Variants in PRKCE observed in about 807,000 individuals in gnomAD.
PRKCE encodes the protein protein kinase C epsilon, also known as protein kinase C epsilon type.
A neutral mutation model predicts 85.4 loss-of-function variants in PRKCE; 16 were observed. That is an observed-to-expected ratio of 0.19 (90% CI 0.13 to 0.28). PRKCE has a LOEUF of 0.28. Ranked by LOEUF, PRKCE falls within the 10% of genes least tolerant of loss-of-function variation. The pLI, the probability that PRKCE is intolerant of heterozygous loss-of-function variation, is 1.00. For missense variants in PRKCE, 573 were observed against 975.2 expected, an observed-to-expected ratio of 0.59 and a Z score of 5.49; for synonymous variants, 388 against 371.5, an observed-to-expected ratio of 1.04 and a Z score of -0.51.
At chr2:45,978,941 C>T (rs531491622) in intron 3 of PRKCE, 35 bp from the exon 4 acceptor site, 3 of 1,593,824 alleles carry the variant, frequency 1.9e-6, no homozygotes, top group South Asian at 1.1e-5. Flanking sequence ...GGTAAGATTT[C>T]ACTTTTTTTA....
intron 2 of PRKCE, among the ~76,000 whole-genome samples, chr2:45,865,816 T>TTC (rs3069020): frequency 4.3e-5 from 5 of 116,092 alleles, no homozygotes; most frequent in African/African-American, 1.7e-4. Context: ...CTTCTTCTTC[T>TTC]TTTTTTTTTT....
At position 45,651,798 on chromosome 2, in the gene PRKCE, C is replaced by A. The variant is rs991213882; in HGVS notation, c.-303C>A. 4.0e-6 allele frequency: 1 copy of A among 252,240 alleles called. No homozygotes were observed. The highest frequency in any genetic ancestry group is 7.6e-6 in the Non-Finnish European group (1 of 131,420). The allele number at this position is 252,240 out of a possible 1,614,324, so 15.6% of individuals were successfully genotyped here. A position where few individuals can be genotyped will look rare whatever the true frequency, so the allele number is the denominator to read the frequency against. On this transcript the variant is annotated 5_prime_UTR_variant, in exon 1 of 15. Coordinates refer to ENST00000306156, the MANE Select transcript of PRKCE (RefSeq NM_005400.3). Reference sequence around the variant, plus strand: ...GCAGCCCCCGCGGCTTGCAGCGGAGCCGACAGCTCGTCTTCTCTTCTGGAG... The same window carrying A: ...GCAGCCCCCGCGGCTTGCAGCGGAGACGACAGCTCGTCTTCTCTTCTGGAG...
At chr2:45,678,485 C>T (rs574308023) in intron 1 of PRKCE, among the ~76,000 whole-genome samples, 40 of 151,844 alleles carry the variant, frequency 2.6e-4, no homozygotes, top group Non-Finnish European at 4.1e-4. Context: ...GGTAACCAGT[C>T]ATTTCCGAAC....
intron 11 of PRKCE, among the ~76,000 whole-genome samples, chr2:46,119,338 A>T (rs1673090876): frequency 6.6e-6 from 1 of 152,078 alleles, no homozygotes; most frequent in African/African-American, 2.4e-5. Context: ...CTTTGGAAAC[A>T]ACTTGGGCTA....
At chr2:46,007,430 C>G (rs540871496) in intron 8 of PRKCE, 32 bp from the exon 9 acceptor site, 3 of 1,595,874 alleles carry the variant, frequency 1.9e-6, no homozygotes, top group Non-Finnish European at 2.6e-6. Context: ...GAGGTATGCA[C>G]TAATGCAATT....
chr2:45,751,809 ATTTTT>A lies in PRKCE; in HGVS notation c.349-91169_349-91165del, dbSNP rs34589907. 2.1e-3 allele frequency among the ~76,000 whole-genome samples: 164 copies of A among 78,508 alleles called. 2 individuals carry two copies. Among genetic ancestry groups the A allele is most frequent in the Non-Finnish European group, 2.2e-3 (95 of 42,634 alleles). The allele number at this position is 78,508 out of a possible 152,430, so 51.5% of individuals were successfully genotyped here. Reference sequence around the variant, plus strand: ...ACTCCAGCCTCCAAAGCTAACCACTATTTTTTTTTTTTTTTTTTTTTTTTTTGAGA... The same window carrying A: ...ACTCCAGCCTCCAAAGCTAACCACTATTTTTTTTTTTTTTTTTTTTTGAGA... On this transcript the variant is annotated intron_variant, in intron 1 of 14. Transcript: ENST00000306156.
At chr2:45,906,342 A>G (rs1272845741) in intron 2 of PRKCE, among the ~76,000 whole-genome samples, 6 of 152,242 alleles carry the variant, frequency 3.9e-5, no homozygotes, top group Non-Finnish European at 8.8e-5. Context: ...GGAGGCAGGA[A>G]GTCAAAGGCA....
intron 10 of PRKCE, among the ~76,000 whole-genome samples, chr2:46,033,168 G>T (rs1468695851): frequency 6.6e-6 from 1 of 152,198 alleles, no homozygotes; most frequent in East Asian, 1.9e-4. Flanking sequence ...AGGAGAAAAG[G>T]TGAACCAAAC....
chr2:45,870,639 A>C (rs1322951133), intron 2 of PRKCE, among the ~76,000 whole-genome samples: 3 of 152,234 alleles, frequency 2.0e-5, no homozygotes, highest in African/African-American at 4.8e-5. Flanking sequence ...TGTGTGAGGT[A>C]GTCAAGGGGG....
chr2:45,682,570 G>T (rs1225465543), intron 1 of PRKCE, among the ~76,000 whole-genome samples: 1 of 152,086 alleles, frequency 6.6e-6, no homozygotes, highest in East Asian at 1.9e-4. Context: ...GGGATTACAG[G>T]CACACATCAC....
intron 11 of PRKCE, among the ~76,000 whole-genome samples, chr2:46,115,742 C>T (rs983074803): frequency 3.9e-5 from 6 of 152,168 alleles, no homozygotes; most frequent in Non-Finnish European, 8.8e-5. Flanking sequence ...ATAATTAAGC[C>T]AGCTTGGAAC....
intron 1 of PRKCE, among the ~76,000 whole-genome samples, chr2:45,773,793 C>G (rs1685532202): frequency 6.6e-6 from 1 of 152,156 alleles, no homozygotes; most frequent in African/African-American, 2.4e-5. Flanking sequence ...CTCCTTCCTC[C>G]CCTGGCCATC....
intron 10 of PRKCE, among the ~76,000 whole-genome samples, chr2:46,045,056 C>A (rs918730575): frequency 8.5e-5 from 13 of 152,114 alleles, no homozygotes; most frequent in Non-Finnish European, 1.9e-4. Context: ...TTTTAAGCTC[C>A]GGGTTGTGTT....
intron 1 of PRKCE, among the ~76,000 whole-genome samples, chr2:45,667,669 T>A (rs950470708): frequency 6.6e-6 from 1 of 152,104 alleles, no homozygotes; most frequent in Non-Finnish European, 1.5e-5. Flanking sequence ...TTGTTAAAAA[T>A]TAGTTATGTT....
At chr2:45,767,014 C>T (rs1170607160) in intron 1 of PRKCE, among the ~76,000 whole-genome samples, 1 of 150,888 alleles carries the variant, frequency 6.6e-6, no homozygotes, top group Non-Finnish European at 1.5e-5. Context: ...GCACTCCAGC[C>T]TGGGCAACAG....
chr2:45,716,354 C>CA (rs1680083865), intron 1 of PRKCE, among the ~76,000 whole-genome samples: 1 of 151,902 alleles, frequency 6.6e-6, no homozygotes, highest in Admixed American at 6.6e-5. Context: ...CTGTGTCTAC[C>CA]AAAAATACAA....
Position 46,159,593 on chromosome 2 carries a change from C to G in PRKCE, c.1921-13C>G, listed in dbSNP as rs778133208. 70 of 1,585,956 alleles carry G rather than the reference C, an allele frequency of 4.4e-5. No homozygotes were observed. Among genetic ancestry groups the G allele is most frequent in the Non-Finnish European group, 5.3e-5 (62 of 1,173,064 alleles). ...CTTTGTCACTAATTCCGACTCTGTC[C>G]TCATCCCTGCAGTTCATGACGAAGA... On this transcript the variant is annotated splice_polypyrimidine_tract_variant and intron_variant, in intron 13 of 14. Transcript: ENST00000306156. The surrounding 1 kb of genome is among the most constrained non-coding windows in gnomAD (Gnocchi z 4.1).
intron 1 of PRKCE, among the ~76,000 whole-genome samples, chr2:45,785,613 C>G (rs1686540675): frequency 6.6e-6 from 1 of 152,166 alleles, no homozygotes; most frequent in African/African-American, 2.4e-5. Flanking sequence ...CTTCAGGTGT[C>G]CCTGTGGGAT....
intron 1 of PRKCE, among the ~76,000 whole-genome samples, chr2:45,692,087 G>A (rs1319151306): frequency 1.3e-5 from 2 of 152,056 alleles, no homozygotes; most frequent in Non-Finnish European, 2.9e-5. Flanking sequence ...GTTCATTTTT[G>A]TTCATGAATT....
Sources: allele counts gnomAD v4.1 joint callset (sites outside exome capture counted in the v4.1 genomes callset), GRCh38; gene constraint gnomAD v4.1.1; non-coding constraint Gnocchi (gnomAD v3.1); transcripts MANE v1.5; gene names NCBI Gene and HGNC (gene_info 2026-07-23, HGNC 2026-07-21).